The following CNIH3 variants were observed in gnomAD, a reference collection of about 807,000 sequenced individuals.
CNIH3 encodes cornichon family AMPA receptor auxiliary protein 3.
CNIH3 carries 14 observed loss-of-function variants against 24.1 expected under a neutral mutation model. The observed-to-expected ratio is 0.58, with a 90% CI of 0.38 to 0.91. CNIH3 has a LOEUF of 0.91. CNIH3 is among the 40% of genes least tolerant of loss of function. CNIH3 has a pLI of 0.00. For synonymous variants in CNIH3, 68 were observed against 73.8 expected (o/e 0.92, Z 0.40); for missense variants, 178 against 196.8 (o/e 0.90, Z 0.57).
chr1:224,593,206 A>T (rs535474992), downstream of CNIH3, among the ~76,000 whole-genome samples: 7 of 145,128 alleles, frequency 4.8e-5, no homozygotes, highest in African/African-American at 1.8e-4. Context: ...CCTAGGCTGG[A>T]GCGCAGTGGC....
intron 1 of CNIH3, among the ~76,000 whole-genome samples, chr1:224,462,205 C>G (rs1675943291): frequency 6.6e-6 from 1 of 152,184 alleles, no homozygotes; most frequent in Non-Finnish European, 1.5e-5. Flanking sequence ...TTGGTTCACT[C>G]TTACCCTAAT....
chr1:224,502,850 G>T (rs1677736059), intron 1 of CNIH3, among the ~76,000 whole-genome samples: 1 of 152,164 alleles, frequency 6.6e-6, no homozygotes, highest in Non-Finnish European at 1.5e-5. Context: ...TGAATGGTGG[G>T]GAACAGAGCC....
chr1:224,656,225 T>C (rs1235392062), intron 1 of CNIH3, among the ~76,000 whole-genome samples: 2 of 152,218 alleles, frequency 1.3e-5, no homozygotes, highest in Non-Finnish European at 2.9e-5. Context: ...TGGGAAATAC[T>C]CAAAGTACCT....
At chr1:224,580,007 G>C (rs1296288758) in intron 4 of CNIH3, among the ~76,000 whole-genome samples, 2 of 152,108 alleles carry the variant, frequency 1.3e-5, no homozygotes, top group African/African-American at 4.8e-5. Flanking sequence ...GGAGTGTCTC[G>C]AAATCAGTCT....
chr1:224,591,445 T>C (rs1172233256), downstream of CNIH3, among the ~76,000 whole-genome samples: 2 of 152,176 alleles, frequency 1.3e-5, no homozygotes, highest in African/African-American at 4.8e-5. Flanking sequence ...AATTGGCAGC[T>C]GAGAAGAGCT....
At chr1:224,602,852 G>A (rs936104168) in intron 3 of CNIH3, among the ~76,000 whole-genome samples, 3 of 152,236 alleles carry the variant, frequency 2.0e-5, no homozygotes, top group Non-Finnish European at 2.9e-5. Context: ...GGTTAGTAAA[G>A]CTTGTTAATG....
At position 224,616,943 on chromosome 1, in the gene CNIH3, A is replaced by G; in HGVS notation, c.-232A>G. ...ACGGTTCCCTCCAGCGACTCTCGACACACGTTTTCCTGTCTTCGCCGGAGG... is the reference window on the plus strand; with the variant it reads ...ACGGTTCCCTCCAGCGACTCTCGACGCACGTTTTCCTGTCTTCGCCGGAGG... On this transcript the variant is annotated 5_prime_UTR_variant, in exon 1 of 6. Coordinates refer to ENST00000272133, the MANE Select transcript of CNIH3 (RefSeq NM_152495.2). 2 of 1,375,554 alleles carry G rather than the reference A, an allele frequency of 1.5e-6. No homozygotes were observed. The highest frequency in any genetic ancestry group is 3.2e-5 in the Admixed American group (1 of 30,994). 85.2% of individuals were successfully genotyped at this position (1,375,554 alleles called of 1,614,324 possible). A position where few individuals can be genotyped will look rare whatever the true frequency, so the allele number is the denominator to read the frequency against.
intron 3 of CNIH3, among the ~76,000 whole-genome samples, chr1:224,725,034 C>T (rs1688943526): frequency 6.6e-6 from 1 of 151,828 alleles, no homozygotes; most frequent in South Asian, 2.1e-4. Flanking sequence ...TATAGTGAAA[C>T]CCCCATCTCT....
At chr1:224,672,171 C>T (rs1685897629) in intron 1 of CNIH3, among the ~76,000 whole-genome samples, 1 of 151,806 alleles carries the variant, frequency 6.6e-6, no homozygotes, top group African/African-American at 2.4e-5. Flanking sequence ...AGAATTCTCT[C>T]TAAATTAGAA....
intron 1 of CNIH3, among the ~76,000 whole-genome samples, chr1:224,505,024 C>CCCTT (rs1393158033): frequency 9.8e-6 from 1 of 102,420 alleles, no homozygotes; most frequent in Non-Finnish European, 2.0e-5. Flanking sequence ...CTCCCTCCCT[C>CCCTT]CCTCCCTCCC....
chr1:224,622,630 A>G (rs1418309833), intron 1 of CNIH3, among the ~76,000 whole-genome samples: 1 of 152,242 alleles, frequency 6.6e-6, no homozygotes, highest in East Asian at 1.9e-4. Context: ...GTGAGGTTTC[A>G]AGGCCTCACT....
intron 2 of CNIH3, among the ~76,000 whole-genome samples, chr1:224,525,755 A>G (rs1046835396): frequency 9.2e-5 from 14 of 152,158 alleles, no homozygotes; most frequent in African/African-American, 3.4e-4. Context: ...TTAGGGAAGG[A>G]TGGAATCCTG....
At chr1:224,462,068 A>C (rs1281154521) in intron 1 of CNIH3, among the ~76,000 whole-genome samples, 1 of 152,068 alleles carries the variant, frequency 6.6e-6, no homozygotes, top group Non-Finnish European at 1.5e-5. Flanking sequence ...GGGTGTTCTC[A>C]TATACACCCT....
intron 1 of CNIH3, among the ~76,000 whole-genome samples, chr1:224,640,517 A>T (rs1298529921): frequency 6.6e-6 from 1 of 152,252 alleles, no homozygotes; most frequent in Admixed American, 6.5e-5. Context: ...TTCAGAGCTT[A>T]GCAGACTCTC....
At chr1:224,462,128 T>C (rs1675940346) in intron 1 of CNIH3, among the ~76,000 whole-genome samples, 1 of 152,132 alleles carries the variant, frequency 6.6e-6, no homozygotes, top group African/African-American at 2.4e-5. Context: ...GCACCGTTGG[T>C]GTATTTGTTA....
At chr1:224,510,897 G>T (rs1678124919), upstream of CNIH3, among the ~76,000 whole-genome samples, 1 of 152,222 alleles carries the variant, frequency 6.6e-6, no homozygotes, top group African/African-American at 2.4e-5. Context: ...GGGAGAAGGG[G>T]CAAGGGGGAA....
chr1:224,588,035 A>G (rs1305006157), intron 5 of CNIH3, among the ~76,000 whole-genome samples: 1 of 151,974 alleles, frequency 6.6e-6, no homozygotes. Context: ...GTTTTTGCCT[A>G]TTTTAGTTAC....
rs532483211 is a variant in CNIH3, at chr1:224,465,943, G to C, written n.203+31081G>C. On this transcript the variant is annotated intron_variant and non_coding_transcript_variant, in intron 1 of 5. Coordinates refer to the CNIH3 transcript ENST00000471578. ...CTCGGGAGGCTGAGGCAGGAGAATC[G>C]CTTGAGCCTGGGAGGCGGAGGTTGC... 4.5e-4 allele frequency among the ~76,000 whole-genome samples: 68 copies of C among 152,312 alleles called. No homozygotes were observed. In the South Asian group the frequency reaches 4.8e-3, roughly 11 times the overall value.
chr1:224,492,697 G>T, intron 1 of CNIH3, among the ~76,000 whole-genome samples: 1 of 152,144 alleles, frequency 6.6e-6, no homozygotes, highest in East Asian at 1.9e-4. Context: ...CTGCTTTCTT[G>T]AAGTCATCTC....
Sources: allele counts gnomAD v4.1 joint callset (sites outside exome capture counted in the v4.1 genomes callset), GRCh38; gene constraint gnomAD v4.1.1; transcripts MANE v1.5; gene names NCBI Gene and HGNC (gene_info 2026-07-23, HGNC 2026-07-21).